Variants in PKN2 observed in about 807,000 individuals in gnomAD.
The protein encoded by PKN2 is serine/threonine-protein kinase N2.
PKN2 carries 38 observed loss-of-function variants against 119.1 expected under a neutral mutation model. The ratio of observed to expected loss-of-function variants is 0.32; its 90% CI spans 0.25 to 0.42. The LOEUF (loss-of-function observed/expected upper bound fraction) is 0.42. PKN2 is among the 10% of genes least tolerant of loss of function. PKN2 has a pLI of 1.00. For missense variants in PKN2, 850 were observed against 1,165.1 expected, an observed-to-expected ratio of 0.73 and a Z score of 3.94; for synonymous variants, 390 against 384.9, an observed-to-expected ratio of 1.01 and a Z score of -0.15.
At position 88,769,239 on chromosome 1, in the gene PKN2, T is replaced by C. The variant is rs1240794753; in HGVS notation, c.505-1113T>C. ...ATCTTAAGATATAACAGAAGTGTTC[T>C]CCAGCTTTATTAAGAAGGTCTCATT... On this transcript the variant is annotated intron_variant, in intron 3 of 21. Transcript: ENST00000370521. Among the ~76,000 whole-genome samples, 44 of 152,228 alleles carry C rather than the reference T, an allele frequency of 2.9e-4. 1 individual carries two copies. The highest frequency in any genetic ancestry group is 2.9e-3 in the Admixed American group (44 of 15,278).
chr1:88,744,096 G>A (rs1668677231), intron 2 of PKN2, among the ~76,000 whole-genome samples: 1 of 151,412 alleles, frequency 6.6e-6, no homozygotes, highest in Non-Finnish European at 1.5e-5. Context: ...CAATCTAAAA[G>A]CAACAACCAC....
chr1:88,704,087 A>G (rs1257320274), intron 1 of PKN2, among the ~76,000 whole-genome samples: 1 of 152,180 alleles, frequency 6.6e-6, no homozygotes, highest in Admixed American at 6.6e-5. Flanking sequence ...AGTGCAAACA[A>G]TATAATGAAC....
chr1:88,731,648 T>A (rs561293534), intron 1 of PKN2, among the ~76,000 whole-genome samples: 2 of 152,360 alleles, frequency 1.3e-5, no homozygotes, highest in African/African-American at 4.8e-5. Flanking sequence ...ATATGAATCA[T>A]TGTATCCAGT....
intron 18 of PKN2, among the ~76,000 whole-genome samples, chr1:88,825,748 AGG>A (rs1197894721): frequency 6.6e-6 from 1 of 152,172 alleles, no homozygotes; most frequent in East Asian, 1.9e-4. Flanking sequence ...GAATTGCTTA[AGG>A]AGTCCATATA....
intron 1 of PKN2, among the ~76,000 whole-genome samples, chr1:88,729,476 T>A (rs1436957441): frequency 6.6e-6 from 1 of 152,198 alleles, no homozygotes; most frequent in Non-Finnish European, 1.5e-5. Context: ...CTACTGTGGC[T>A]TCACTCACAT....
intron 1 of PKN2, among the ~76,000 whole-genome samples, chr1:88,695,599 T>C (rs1476443437): frequency 1.3e-5 from 2 of 152,226 alleles, no homozygotes; most frequent in South Asian, 2.1e-4. Flanking sequence ...CTCATCTCTA[T>C]GTAGTGATAC....
In PKN2 at chr1:88,804,396, T is replaced by G. The variant is rs1202990444; in HGVS notation, c.1287T>G (p.Arg429=). ...ATTTTTTTTAATTATCCTAGTCACG[T>G]GAACTGGAAATTTCAGTTTATTGGC... ...QKFTLELDRS[R]ELEISVYWRD... The change falls in exon 9 of 22, where the codon CGT becomes CGG. Residue 429 remains arginine, a synonymous_variant. Coordinates refer to ENST00000370521, the MANE Select transcript of PKN2 (RefSeq NM_006256.4). 6.2e-7 allele frequency: 1 copy of G among 1,610,664 alleles called. No individual in the cohort carries two copies. The highest frequency in any genetic ancestry group is 8.5e-7 in the Non-Finnish European group (1 of 1,177,994).
rs780069908 is a variant in PKN2 at position 88,835,123 on chromosome 1, C to A, written c.*1675C>A. 6.6e-6 allele frequency: 1 copy of A among 152,054 alleles called. No individual in the cohort carries two copies. The highest frequency in any genetic ancestry group is 1.5e-5 in the Non-Finnish European group (1 of 67,880). The allele number at this position is 152,054 out of a possible 1,614,324, so 9.4% of individuals were successfully genotyped here. A position where few individuals can be genotyped will look rare whatever the true frequency, so the allele number is the denominator to read the frequency against. ...GCATCTTTTCATTGTACTCTGAGAACAATTAAAATTGTCCAGAGATCATTT... is the reference window on the plus strand; with the variant it reads ...GCATCTTTTCATTGTACTCTGAGAAAAATTAAAATTGTCCAGAGATCATTT... On this transcript the variant is annotated 3_prime_UTR_variant, in exon 22 of 22. Coordinates refer to ENST00000370521, the MANE Select transcript of PKN2 (RefSeq NM_006256.4).
At chr1:88,779,062 G>A (rs1670222011) in intron 6 of PKN2, among the ~76,000 whole-genome samples, 1 of 152,206 alleles carries the variant, frequency 6.6e-6, no homozygotes, top group Admixed American at 6.5e-5. Flanking sequence ...CAAGCTGTTG[G>A]TGTTAGTATT....
intron 1 of PKN2, among the ~76,000 whole-genome samples, chr1:88,722,685 A>C (rs6677290): frequency 6.6e-6 from 1 of 151,554 alleles, no homozygotes; most frequent in East Asian, 1.9e-4. Flanking sequence ...CAGGAAGCTG[A>C]GGTGGGAGGA....
intron 16 of PKN2, chr1:88,815,529 AC>A (rs1671950911): frequency 7.6e-6 from 2 of 263,048 alleles, no homozygotes; most frequent in South Asian, 7.6e-5. Flanking sequence ...AGGAGCAAGA[AC>A]CATATCTGTC....
Position 88,784,798 on chromosome 1 carries a change from ATCT to A in PKN2, c.1149_1151del (p.Leu384del), listed in dbSNP as rs201679232. ...AAAAGTAAAAGCGGAAGTAGTCGAA[ATCT>A]TCTAAAAACCGATGACTTGTCCAGT... On this transcript the variant is annotated inframe_deletion, in exon 7 of 22. Coordinates refer to ENST00000370521, the MANE Select transcript of PKN2 (RefSeq NM_006256.4). 29,509 of 1,610,352 alleles carry A rather than the reference ATCT, an allele frequency of 0.018. 353 individuals are homozygous for A. The highest frequency in any genetic ancestry group is 0.022 in the Non-Finnish European group (26,290 of 1,178,014).
Position 88,684,504 on chromosome 1 carries a change from C to T in PKN2, c.-77C>T. The stretch of plus-strand genomic sequence containing the variant: ...TTCTTTCTCTCCCCTCTCCTCACCC[C>T]CACCCCGAGCCCCGTCCCGCCTTCT... On this transcript the variant is annotated 5_prime_UTR_variant, in exon 1 of 22. Coordinates refer to ENST00000370521, the MANE Select transcript of PKN2 (RefSeq NM_006256.4). 2 of 1,316,968 alleles carry T rather than the reference C, an allele frequency of 1.5e-6. No individual in the cohort carries two copies. The highest frequency in any genetic ancestry group is 2.1e-6 in the Non-Finnish European group (2 of 952,372). The allele number at this position is 1,316,968 out of a possible 1,614,324, so 81.6% of individuals were successfully genotyped here. A position where few individuals can be genotyped will look rare whatever the true frequency, so the allele number is the denominator to read the frequency against.
intron 2 of PKN2, among the ~76,000 whole-genome samples, chr1:88,751,377 T>C (rs200324797): frequency 9.6e-5 from 14 of 146,580 alleles, no homozygotes; most frequent in African/African-American, 3.2e-4. Flanking sequence ...TATTTACACA[T>C]ACACACACAC....
intron 6 of PKN2, among the ~76,000 whole-genome samples, chr1:88,780,705 TA>T (rs1381010148): frequency 6.6e-6 from 1 of 151,286 alleles, no homozygotes; most frequent in Non-Finnish European, 1.5e-5. Flanking sequence ...GCAGGGACTA[TA>T]CTGCAGGCAA....
intron 1 of PKN2, among the ~76,000 whole-genome samples, chr1:88,716,645 G>T (rs937758553): frequency 5.9e-5 from 9 of 151,862 alleles, no homozygotes; most frequent in Non-Finnish European, 1.3e-4. Context: ...TCCATTTGCT[G>T]GGTAGATCTT....
chr1:88,740,043 G>A (rs1043056851), intron 1 of PKN2, among the ~76,000 whole-genome samples: 25 of 152,050 alleles, frequency 1.6e-4, no homozygotes, highest in Admixed American at 1.2e-3. Context: ...AAATAATACA[G>A]CATAGCAACT....
chr1:88,819,994 G>A (rs895076381), intron 16 of PKN2, among the ~76,000 whole-genome samples: 8 of 151,440 alleles, frequency 5.3e-5, no homozygotes, highest in Non-Finnish European at 1.0e-4. Context: ...CACACACCGG[G>A]GGTCGGGGGC....
intron 2 of PKN2, among the ~76,000 whole-genome samples, chr1:88,744,608 G>T (rs1668700178): frequency 6.6e-6 from 1 of 152,106 alleles, no homozygotes; most frequent in Admixed American, 6.5e-5. Context: ...TTTTAGTAGA[G>T]GCAGGGTTTC....
Sources: allele counts gnomAD v4.1 joint callset (sites outside exome capture counted in the v4.1 genomes callset), GRCh38; gene constraint gnomAD v4.1.1; transcripts MANE v1.5; gene names NCBI Gene and HGNC (gene_info 2026-07-23, HGNC 2026-07-21).